Variants in KDM4C observed in about 807,000 individuals in gnomAD.
KDM4C encodes lysine-specific demethylase 4C.
Under a neutral mutation model 129.3 loss-of-function variants are expected in KDM4C, and 81 were observed. The observed-to-expected ratio is 0.63, with a 90% CI of 0.52 to 0.75. The LOEUF is 0.75. Among genes scored for constraint, KDM4C ranks in the 30% least tolerant of loss-of-function variants. The pLI is 0.00. For synonymous variants in KDM4C, 573 were observed against 456.1 expected, an observed-to-expected ratio of 1.26 and a Z score of -3.26; for missense variants, 1,457 against 1,304.0, an observed-to-expected ratio of 1.12 and a Z score of -1.81.
intron 17 of KDM4C, among the ~76,000 whole-genome samples, chr9:7,052,358 A>G (rs910751487): frequency 6.6e-6 from 1 of 152,250 alleles, no homozygotes; most frequent in African/African-American, 2.4e-5. Context: ...GTGTATATGC[A>G]CATAGTAGTC....
chr9:7,023,869 T>C (rs1225868391), intron 15 of KDM4C, among the ~76,000 whole-genome samples: 1 of 152,224 alleles, frequency 6.6e-6, no homozygotes, highest in East Asian at 1.9e-4. Flanking sequence ...TCAATTTCCT[T>C]CTTAGTTTCT....
chr9:6,758,452 C>G lies in KDM4C; in HGVS notation c.-18+249C>G, dbSNP rs1264965702. Among the ~76,000 whole-genome samples the G allele has an allele frequency of 1.3e-5, 2 of 152,224 alleles. No homozygotes were observed. The highest frequency in any genetic ancestry group is 1.5e-5 in the Non-Finnish European group (1 of 68,038). On this transcript the variant is annotated intron_variant, in intron 1 of 21. Coordinates refer to ENST00000381309, the MANE Select transcript of KDM4C (RefSeq NM_015061.6). The surrounding 1 kb of genome is among the most constrained non-coding windows in gnomAD (Gnocchi z 4.6). ...TCCGGCCCTTACCGAGGTTCGGTAC[C>G]CGCGCTCGCCGTTTTCCCGGGATCC...
chr9:7,086,595 CCTGTTCAGCCTTTGATCCTGT>C (rs1279786383), intron 17 of KDM4C, among the ~76,000 whole-genome samples: 1 of 152,152 alleles, frequency 6.6e-6, no homozygotes, highest in Non-Finnish European at 1.5e-5. Context: ...TGGGCACCAC[CCTGTTCAGCCTTTGATCCTGT>C]CTGGATTGCC....
intron 19 of KDM4C, among the ~76,000 whole-genome samples, chr9:7,137,112 C>G (rs774917136): frequency 2.0e-5 from 3 of 152,120 alleles, no homozygotes; most frequent in Admixed American, 6.5e-5. Flanking sequence ...CGATCATTAC[C>G]TGCTATTTCA....
At chr9:6,835,919 A>G (rs1283046894) in intron 4 of KDM4C, among the ~76,000 whole-genome samples, 1 of 152,186 alleles carries the variant, frequency 6.6e-6, no homozygotes, top group East Asian at 1.9e-4. Context: ...AGAATGGCCT[A>G]GTCCTCCTCC....
chr9:7,021,378 C>T lies in KDM4C; in HGVS notation c.2259+5449C>T, dbSNP rs984088218. Among the ~76,000 whole-genome samples, 3 of 152,086 alleles carry T rather than the reference C, an allele frequency of 2.0e-5. No homozygotes were observed. The East Asian group carries it at 5.8e-4, about 29-fold the overall frequency. On this transcript the variant is annotated intron_variant, in intron 15 of 21. Coordinates refer to ENST00000381309, the MANE Select transcript of KDM4C (RefSeq NM_015061.6). Reference sequence around the variant, plus strand: ...CAGGCTGGTCTCGAACTCCTGACCTCAGGTGATCTGCCTTCGTCGGCCTCC... The same window carrying T: ...CAGGCTGGTCTCGAACTCCTGACCTTAGGTGATCTGCCTTCGTCGGCCTCC...
At chr9:7,138,718 C>G (rs1487783388) in intron 19 of KDM4C, among the ~76,000 whole-genome samples, 2 of 151,970 alleles carry the variant, frequency 1.3e-5, no homozygotes, top group African/African-American at 4.8e-5. Flanking sequence ...CCTTGGGAGA[C>G]TGAGGCAGGA....
At chr9:6,905,239 T>C (rs1747735772) in intron 8 of KDM4C, among the ~76,000 whole-genome samples, 1 of 152,164 alleles carries the variant, frequency 6.6e-6, no homozygotes, top group African/African-American at 2.4e-5. Context: ...GGATACACAT[T>C]GGAGGCCGTC....
chr9:7,026,075 G>T lies in KDM4C; in HGVS notation c.2259+10146G>T, dbSNP rs183106106. 5.3e-3 allele frequency among the ~76,000 whole-genome samples: 808 copies of T among 151,966 alleles called. 4 individuals carry two copies. Among genetic ancestry groups the T allele is most frequent in the Non-Finnish European group, 9.3e-3 (635 of 67,952 alleles). ...TAAAAAATTAGTTGGGTGTTGTGGCGAGCACCTGTAATCCCAGCTACCTGT... is the reference window on the plus strand; with the variant it reads ...TAAAAAATTAGTTGGGTGTTGTGGCTAGCACCTGTAATCCCAGCTACCTGT... On this transcript the variant is annotated intron_variant, in intron 15 of 21. Coordinates refer to ENST00000381309, the MANE Select transcript of KDM4C (RefSeq NM_015061.6).
At chr9:6,980,738 A>G (rs1271803322) in intron 8 of KDM4C, among the ~76,000 whole-genome samples, 187 bp from the exon 9 acceptor site, 1 of 152,208 alleles carries the variant, frequency 6.6e-6, no homozygotes, top group East Asian at 1.9e-4. Flanking sequence ...ATAAATGTGA[A>G]TATATAGATT....
In KDM4C at chr9:7,039,321, C is replaced by G. The variant is rs150178233; in HGVS notation, c.2260-7541C>G. Among the ~76,000 whole-genome samples, 242 of 152,066 alleles carry G rather than the reference C, an allele frequency of 1.6e-3. 1 individual carries two copies. The highest frequency in any genetic ancestry group is 5.5e-3 in the African/African-American group (229 of 41,524). ...TTATTCAGCTCTGTCTTTCTCCTCTCTAATTCTGTTCTTAGGAGTAATCTG... is the reference window on the plus strand; with the variant it reads ...TTATTCAGCTCTGTCTTTCTCCTCTGTAATTCTGTTCTTAGGAGTAATCTG... On this transcript the variant is annotated intron_variant, in intron 15 of 21. Coordinates refer to ENST00000381309, the MANE Select transcript of KDM4C (RefSeq NM_015061.6).
At chr9:6,785,580 G>A (rs559656856) in intron 1 of KDM4C, among the ~76,000 whole-genome samples, 9 of 151,980 alleles carry the variant, frequency 5.9e-5, no homozygotes, top group Non-Finnish European at 1.0e-4. Context: ...CTGGTGATCT[G>A]CCCACCTTGG....
At chr9:6,913,136 C>G (rs1482085104) in intron 8 of KDM4C, among the ~76,000 whole-genome samples, 1 of 152,104 alleles carries the variant, frequency 6.6e-6, no homozygotes, top group Non-Finnish European at 1.5e-5. Context: ...GTGTTTGCAG[C>G]TAAACAAATA....
chr9:6,934,154 A>G lies in KDM4C; in HGVS notation c.921+40922A>G, dbSNP rs538407250. 3.4e-5 allele frequency among the ~76,000 whole-genome samples: 5 copies of G among 147,308 alleles called. No homozygotes were observed. The South Asian group carries it at 1.1e-3, about 33-fold the overall frequency. ...AGGTGTGAGCCATTGCGCCTGGCCCAGGTCTTCCTGATTGTAAAAAAAATC... is the reference window on the plus strand; with the variant it reads ...AGGTGTGAGCCATTGCGCCTGGCCCGGGTCTTCCTGATTGTAAAAAAAATC... On this transcript the variant is annotated intron_variant, in intron 8 of 21. Coordinates refer to ENST00000381309, the MANE Select transcript of KDM4C (RefSeq NM_015061.6).
chr9:7,082,013 T>TA (rs1234126339), intron 17 of KDM4C, among the ~76,000 whole-genome samples: 2 of 152,164 alleles, frequency 1.3e-5, no homozygotes, highest in African/African-American at 4.8e-5. Flanking sequence ...GTTTTCCACT[T>TA]AGCCTGGCCT....
At chr9:6,980,856 A>G in intron 8 of KDM4C, 69 bp from the exon 9 acceptor site, 1 of 1,362,498 alleles carries the variant, frequency 7.3e-7, no homozygotes, top group South Asian at 1.2e-5. Context: ...TGATGTGTTC[A>G]AGGACCAACT....
intron 5 of KDM4C, among the ~76,000 whole-genome samples, chr9:6,859,851 C>G (rs554427933): frequency 2.1e-5 from 3 of 139,700 alleles, no homozygotes; most frequent in Admixed American, 7.5e-5. Context: ...GGCGACACAG[C>G]GAGACTCCGT....
At chr9:6,976,579 C>G (rs541776677) in intron 8 of KDM4C, among the ~76,000 whole-genome samples, 30 of 152,212 alleles carry the variant, frequency 2.0e-4, no homozygotes, top group African/African-American at 7.0e-4. Flanking sequence ...ATGTTAGGCA[C>G]TTTCGCTTTG....
intron 8 of KDM4C, among the ~76,000 whole-genome samples, chr9:6,929,594 C>G (rs1023812513): frequency 4.0e-5 from 6 of 150,860 alleles, no homozygotes; most frequent in Admixed American, 2.0e-4. Context: ...CTTCCCCAGT[C>G]ACTGGTCTGT....
Sources: gnomAD v4.1 joint callset for allele counts (sites outside exome capture counted in the v4.1 genomes callset) on GRCh38, gnomAD v4.1.1 for gene constraint, Gnocchi (gnomAD v3.1) non-coding constraint, MANE v1.5 for transcripts, NCBI Gene and HGNC (gene_info 2026-07-23, HGNC 2026-07-21) for gene names.